Variants in NEMP2 observed in about 807,000 individuals in gnomAD.
The protein encoded by NEMP2 is UPF0571 transmembrane protein.
NEMP2 carries 53 observed loss-of-function variants against 54.2 expected under a neutral mutation model. The ratio of observed to expected loss-of-function variants is 0.98; its 90% CI spans 0.78 to 1.23. The LOEUF is 1.23. NEMP2 is among the 50% of genes most tolerant of loss of function. The pLI is 0.00. For synonymous variants in NEMP2, 197 were observed against 190.3 expected (o/e 1.04, Z -0.29); for missense variants, 455 against 511.3 (o/e 0.89, Z 1.06).
chr2:190,643,803 T>C, the NEMP2 span, among the ~76,000 whole-genome samples: 30 of 152,258 alleles, frequency 2.0e-4, no homozygotes, highest in African/African-American at 7.0e-4. Context: ...GGCACGCCTA[T>C]AGTTTCAGCT....
chr2:190,497,802 A>G, the NEMP2 span: 39 of 1,431,118 alleles, frequency 2.7e-5, no homozygotes, highest in Non-Finnish European at 3.6e-5. The surrounding 1 kb of genome is among the most constrained non-coding windows in gnomAD (Gnocchi z 5.2). Context: ...CTCACTTTTC[A>G]TTCAACAAGA....
the NEMP2 span, among the ~76,000 whole-genome samples, chr2:190,452,632 C>G: frequency 2.6e-5 from 4 of 152,168 alleles, no homozygotes; most frequent in African/African-American, 9.7e-5. Context: ...TTTATGCAAC[C>G]CAGTCTCACC....
the NEMP2 span, among the ~76,000 whole-genome samples, chr2:190,639,136 TATATCTATAA>T: frequency 6.6e-6 from 1 of 152,234 alleles, no homozygotes; most frequent in Non-Finnish European, 1.5e-5. Flanking sequence ...AAGCCAGCTC[TATATCTATAA>T]ATATATATAA....
chr2:190,527,629 A>G lies in NEMP2; in HGVS notation c.98-2251T>C, dbSNP rs1271094719. On this transcript the variant is annotated intron_variant, in intron 1 of 8. Coordinates refer to ENST00000409150, the MANE Select transcript of NEMP2 (RefSeq NM_001142645.2). The surrounding 1 kb of genome is among the most constrained non-coding windows in gnomAD (Gnocchi z 4.0). Reference sequence around the variant, plus strand: ...AGGTGAAAAGCCAGTAAAAACCACAAGAAGGAACCTCTAGAGCAAAGGTCC... The same window carrying G: ...AGGTGAAAAGCCAGTAAAAACCACAGGAAGGAACCTCTAGAGCAAAGGTCC... Among the ~76,000 whole-genome samples, 1 of 152,220 alleles carries G rather than the reference A, an allele frequency of 6.6e-6. No homozygotes were observed. The highest frequency in any genetic ancestry group is 1.5e-5 in the Non-Finnish European group (1 of 68,030).
the NEMP2 span, among the ~76,000 whole-genome samples, chr2:190,470,706 G>T: frequency 6.6e-6 from 1 of 152,232 alleles, no homozygotes; most frequent in East Asian, 1.9e-4. Flanking sequence ...CAAATGCGGT[G>T]TAATCAATGT....
the NEMP2 span, among the ~76,000 whole-genome samples, chr2:190,547,867 G>T: frequency 1.3e-5 from 2 of 152,062 alleles, no homozygotes; most frequent in South Asian, 4.1e-4. This position sits in a 1 kb window ranked among gnomAD's most constrained non-coding sequence, Gnocchi z 6.2. Flanking sequence ...AATAAAATAA[G>T]AAAAATTCGA....
At chr2:190,475,480 A>G in the NEMP2 span, among the ~76,000 whole-genome samples, 2 of 152,178 alleles carry the variant, frequency 1.3e-5, no homozygotes, top group Admixed American at 6.5e-5. Context: ...AAGAGAATAA[A>G]ATACCTAGGA....
At chr2:190,637,814 T>C in the NEMP2 span, among the ~76,000 whole-genome samples, 4 of 152,230 alleles carry the variant, frequency 2.6e-5, no homozygotes, top group African/African-American at 9.6e-5. This position sits in a 1 kb window ranked among gnomAD's most constrained non-coding sequence, Gnocchi z 4.5. Flanking sequence ...GGGCAGAGAT[T>C]TAATTTTCTT....
the NEMP2 span, among the ~76,000 whole-genome samples, chr2:190,580,980 C>T: frequency 1.3e-5 from 2 of 152,100 alleles, no homozygotes; most frequent in Non-Finnish European, 2.9e-5. This position sits in a 1 kb window ranked among gnomAD's most constrained non-coding sequence, Gnocchi z 5.3. Context: ...TGGATTCCAC[C>T]CTGTTTCTCT....
At chr2:190,619,393 G>A in the NEMP2 span, among the ~76,000 whole-genome samples, 1 of 151,900 alleles carries the variant, frequency 6.6e-6, no homozygotes, top group Non-Finnish European at 1.5e-5. The surrounding 1 kb of genome is among the most constrained non-coding windows in gnomAD (Gnocchi z 5.5). Flanking sequence ...CCAGCTACCT[G>A]GGAGGCTGAG....
the NEMP2 span, among the ~76,000 whole-genome samples, chr2:190,569,403 T>TAAAAAAC: frequency 6.6e-6 from 1 of 151,664 alleles, no homozygotes; most frequent in Non-Finnish European, 1.5e-5. Context: ...AAATTTTAAA[T>TAAAAAAC]AAAAAAAGGA....
Position 190,530,027 on chromosome 2 carries a change from G to A in NEMP2, c.97+4532C>T, listed in dbSNP as rs73979285. On this transcript the variant is annotated intron_variant, in intron 1 of 8. Coordinates refer to ENST00000409150, the MANE Select transcript of NEMP2 (RefSeq NM_001142645.2). This position sits in a 1 kb window ranked among gnomAD's most constrained non-coding sequence, Gnocchi z 4.6. Reference sequence around the variant, plus strand: ...TTCTTGCCCCTCACTGGATAGAGGAGGTCAGAAAGAATAGGTGGCATTAAG... The same window carrying A: ...TTCTTGCCCCTCACTGGATAGAGGAAGTCAGAAAGAATAGGTGGCATTAAG... 0.018 allele frequency among the ~76,000 whole-genome samples: 2,676 copies of A among 152,266 alleles called. 78 individuals carry two copies. Among genetic ancestry groups the A allele is most frequent in the African/African-American group, 0.061 (2,523 of 41,532 alleles).
At chr2:190,516,154 C>T (rs1266080421) in intron 6 of NEMP2, 116 bp downstream of exon 6, 5 of 651,274 alleles carry the variant, frequency 7.7e-6, no homozygotes, top group South Asian at 2.4e-5. Flanking sequence ...TAGCACCTTT[C>T]GTTAGTTCAA....
chr2:190,526,371 C>T (rs531060050), intron 1 of NEMP2, among the ~76,000 whole-genome samples: 13 of 118,700 alleles, frequency 1.1e-4, no homozygotes, highest in Admixed American at 2.5e-4. Flanking sequence ...AGGCACTAAG[C>T]GGGGAAGAGA....
At chr2:190,637,006 G>C in the NEMP2 span, among the ~76,000 whole-genome samples, 1 of 152,158 alleles carries the variant, frequency 6.6e-6, no homozygotes, top group Admixed American at 6.5e-5. This position sits in a 1 kb window ranked among gnomAD's most constrained non-coding sequence, Gnocchi z 4.5. Flanking sequence ...GTCCCTTCTG[G>C]CTTCAGATCC....
chr2:190,466,528 G>T, the NEMP2 span, among the ~76,000 whole-genome samples: 4 of 152,166 alleles, frequency 2.6e-5, no homozygotes, highest in Non-Finnish European at 4.4e-5. Flanking sequence ...TAAAAGTTTT[G>T]TCAGAAACCA....
the NEMP2 span, among the ~76,000 whole-genome samples, chr2:190,557,712 A>T: frequency 6.6e-6 from 1 of 152,270 alleles, no homozygotes; most frequent in East Asian, 1.9e-4. Context: ...GCCAACAAAC[A>T]TATGAAAAAA....
At chr2:190,552,735 C>A in the NEMP2 span, among the ~76,000 whole-genome samples, 6 of 150,560 alleles carry the variant, frequency 4.0e-5, no homozygotes, top group African/African-American at 1.2e-4. Context: ...AAAAAAAATT[C>A]TCTTTGCTAC....
the NEMP2 span, among the ~76,000 whole-genome samples, chr2:190,439,230 A>G: frequency 3.3e-5 from 5 of 152,046 alleles, no homozygotes; most frequent in Non-Finnish European, 7.4e-5. The surrounding 1 kb of genome is among the most constrained non-coding windows in gnomAD (Gnocchi z 5.8). Flanking sequence ...ATTCATTCCC[A>G]GAAAGGTACC....
Sources: gnomAD v4.1 joint callset for allele counts (sites outside exome capture counted in the v4.1 genomes callset) on GRCh38, gnomAD v4.1.1 for gene constraint, Gnocchi (gnomAD v3.1) non-coding constraint, MANE v1.5 for transcripts, NCBI Gene and HGNC (gene_info 2026-07-23, HGNC 2026-07-21) for gene names.